The following KIFAP3 variants were observed in gnomAD, a reference collection of about 807,000 sequenced individuals.
The protein encoded by KIFAP3 is kinesin-associated protein 3.
KIFAP3 carries 68 observed loss-of-function variants against 106.5 expected under a neutral mutation model. The ratio of observed to expected loss-of-function variants is 0.64; its 90% confidence interval spans 0.53 to 0.78. The LOEUF is 0.78. Among genes scored for constraint, KIFAP3 ranks in the 30% least tolerant of loss-of-function variants. The pLI is 0.00. For missense variants in KIFAP3, 780 were observed against 941.8 expected (o/e 0.83, Z 2.25); for synonymous variants, 320 against 311.5 (o/e 1.03, Z -0.29).
At chr1:170,070,534 A>T (rs1450761367) in intron 1 of KIFAP3, among the ~76,000 whole-genome samples, 2 of 152,124 alleles carry the variant, frequency 1.3e-5, no homozygotes, top group Non-Finnish European at 2.9e-5. Context: ...TGCCCAAACC[A>T]TTCATGGAGG....
chr1:170,001,843 T>A (rs1279297088), intron 10 of KIFAP3, among the ~76,000 whole-genome samples: 2 of 152,160 alleles, frequency 1.3e-5, no homozygotes, highest in African/African-American at 2.4e-5. Flanking sequence ...TTTTAATAAG[T>A]CAGAAAAGGC....
At chr1:170,022,723 ACTTCT>A (rs1326489348) in intron 9 of KIFAP3, among the ~76,000 whole-genome samples, 1 of 151,554 alleles carries the variant, frequency 6.6e-6, no homozygotes, top group Non-Finnish European at 1.5e-5. Context: ...CTAATCAAAT[ACTTCT>A]CTTAATCTTA....
At position 169,961,091 on chromosome 1, in the gene KIFAP3, G is replaced by A. The variant is rs755614316; in HGVS notation, c.2128C>T (p.His710Tyr). 2 of 1,613,132 alleles carry A rather than the reference G, an allele frequency of 1.2e-6. No individual in the cohort carries two copies. The highest frequency in any genetic ancestry group is 1.3e-5 in the African/African-American group (1 of 74,860). ...GGTCTTTCGAGAATATCTCCTTCATGAATGTATGGCTCAATTCGATCATCA... is the reference window on the plus strand; with the variant it reads ...GGTCTTTCGAGAATATCTCCTTCATAAATGTATGGCTCAATTCGATCATCA... ...YGDDRIEPYIHEGDILERPDL... is the reference protein window; with the variant it reads ...YGDDRIEPYIYEGDILERPDL... The change falls in exon 18 of 20, where the codon CAT becomes TAT. Residue 710 changes from histidine (H) to tyrosine (Y), a missense_variant. Physicochemically the swap from His to Tyr is moderately conservative, Grantham distance 83 (BLOSUM62 2). Coordinates refer to ENST00000361580, the MANE Select transcript of KIFAP3 (RefSeq NM_014970.4).
intron 1 of KIFAP3, among the ~76,000 whole-genome samples, chr1:170,056,694 G>A (rs757358035): frequency 1.5e-4 from 23 of 151,950 alleles, no homozygotes; most frequent in Admixed American, 3.9e-4. Context: ...AATTTTTTAC[G>A]GATCTGTCCA....
At chr1:169,995,975 C>T (rs1294714917) in intron 10 of KIFAP3, among the ~76,000 whole-genome samples, 1 of 151,856 alleles carries the variant, frequency 6.6e-6, no homozygotes, top group African/African-American at 2.4e-5. Flanking sequence ...TCTGTTAGAA[C>T]AGAAAGTACA....
At chr1:169,985,405 G>T (rs1666769595) in intron 11 of KIFAP3, among the ~76,000 whole-genome samples, 1 of 151,838 alleles carries the variant, frequency 6.6e-6, no homozygotes, top group African/African-American at 2.4e-5. Context: ...AACCAAAATG[G>T]AATGTAGTAA....
At chr1:170,019,264 A>C (rs1420664126) in intron 9 of KIFAP3, among the ~76,000 whole-genome samples, 1 of 152,144 alleles carries the variant, frequency 6.6e-6, no homozygotes, top group Admixed American at 6.5e-5. Context: ...ATGTAGAAAT[A>C]ATACCAATTC....
In KIFAP3 at chr1:170,024,725, CTGGTTAATAAT is replaced by C. The variant is rs147240525; in HGVS notation, c.842-140_842-130del. ...TAATATATTATTTTGAAAATTTTAACTGGTTAATAATTGGTTAATTAAAAAACATTTATTGT... is the reference window on the plus strand; with the variant it reads ...TAATATATTATTTTGAAAATTTTAACTGGTTAATTAAAAAACATTTATTGT... On this transcript the variant is annotated intron_variant, in intron 8 of 19. Transcript: ENST00000361580. 3,158 of 497,228 alleles carry C rather than the reference CTGGTTAATAAT, an allele frequency of 6.4e-3. 19 individuals carry two copies. The highest frequency in any genetic ancestry group is 8.6e-3 in the Non-Finnish European group (2,533 of 294,208). 30.8% of individuals were successfully genotyped at this position (497,228 alleles called of 1,614,324 possible).
At chr1:170,073,010 C>T (rs1671775102) in intron 1 of KIFAP3, among the ~76,000 whole-genome samples, 1 of 152,176 alleles carries the variant, frequency 6.6e-6, no homozygotes, top group Non-Finnish European at 1.5e-5. Context: ...TTATAAGTCA[C>T]AGTATGCCTC....
intron 3 of KIFAP3, among the ~76,000 whole-genome samples, chr1:170,045,470 C>T (rs1375322147): frequency 1.3e-5 from 2 of 152,080 alleles, no homozygotes; most frequent in Non-Finnish European, 2.9e-5. Flanking sequence ...CCTATATGGC[C>T]AACGAATATT....
intron 19 of KIFAP3, among the ~76,000 whole-genome samples, chr1:169,948,705 CAAA>C (rs1664575078): frequency 6.6e-6 from 1 of 151,860 alleles, no homozygotes; most frequent in African/African-American, 2.4e-5. Flanking sequence ...AAGGACTTAT[CAAA>C]GAAGGAATTT....
intron 2 of KIFAP3, among the ~76,000 whole-genome samples, chr1:170,052,301 C>A (rs1169004335): frequency 1.3e-5 from 2 of 151,964 alleles, no homozygotes; most frequent in African/African-American, 4.8e-5. Flanking sequence ...AGTAAAATGG[C>A]TGAATAGACC....
At chr1:170,000,246 AC>A (rs1185445550) in intron 10 of KIFAP3, among the ~76,000 whole-genome samples, 4 of 152,166 alleles carry the variant, frequency 2.6e-5, no homozygotes, top group Non-Finnish European at 4.4e-5. Flanking sequence ...GTTATGGGCC[AC>A]ATTATTAGCC....
At chr1:170,056,350 T>C (rs1463694840) in intron 1 of KIFAP3, among the ~76,000 whole-genome samples, 1 of 152,202 alleles carries the variant, frequency 6.6e-6, no homozygotes, top group Non-Finnish European at 1.5e-5. Flanking sequence ...GTAGGTTCTA[T>C]GGAAAGGTTG....
chr1:169,936,741 C>T (rs1663825569), intron 19 of KIFAP3, among the ~76,000 whole-genome samples: 1 of 151,372 alleles, frequency 6.6e-6, no homozygotes, highest in South Asian at 2.1e-4. Flanking sequence ...ATAGCATGCT[C>T]TTTACAAAAA....
At position 170,074,446 on chromosome 1, in the gene KIFAP3, A is replaced by G; in HGVS notation, c.22T>C (p.Tyr8His). Residue 8 changes from tyrosine to histidine, a missense_variant, in exon 1 of 20, where the codon TAC (tyrosine) becomes CAC (histidine). Physicochemically the swap from Tyr to His is moderately conservative, Grantham distance 83. This residue lies in a region of KIFAP3 where 588 missense variants were observed against 678.9 expected (regional missense o/e 0.87). Coordinates refer to ENST00000361580, the MANE Select transcript of KIFAP3 (RefSeq NM_014970.4). ...TTGGGGAGTCGTCACCTTTTGAGGT[A>G]TCTGGCGTCCTCCCCTTGCATGGCG... MQGEDAR[Y>H]LKRKVKGGNI... The G allele has an allele frequency of 6.2e-7, 1 of 1,614,086 alleles. No individual in the cohort carries two copies. Among genetic ancestry groups the G allele is most frequent in the Non-Finnish European group, 8.5e-7 (1 of 1,179,986 alleles).
intron 19 of KIFAP3, among the ~76,000 whole-genome samples, chr1:169,940,115 T>C (rs1348909223): frequency 1.3e-5 from 2 of 152,154 alleles, no homozygotes; most frequent in Admixed American, 1.3e-4. Flanking sequence ...AATGGGTTTA[T>C]TGGATTTTGA....
intron 19 of KIFAP3, among the ~76,000 whole-genome samples, chr1:169,931,268 T>C (rs1240182420): frequency 6.6e-6 from 1 of 152,178 alleles, no homozygotes; most frequent in African/African-American, 2.4e-5. Flanking sequence ...ATATAAATTT[T>C]AGATTCCTCT....
intron 19 of KIFAP3, among the ~76,000 whole-genome samples, chr1:169,946,927 A>G (rs958307969): frequency 2.0e-5 from 3 of 151,830 alleles, no homozygotes; most frequent in Non-Finnish European, 4.4e-5. Context: ...AAAATTTTTT[A>G]TTTGCTTTGA....
Sources: gnomAD v4.1 joint callset for allele counts (sites outside exome capture counted in the v4.1 genomes callset) on GRCh38, gnomAD v4.1.1 for gene constraint, gnomAD v4.1.1 regional missense constraint, MANE v1.5 for transcripts, NCBI Gene and HGNC (gene_info 2026-07-23, HGNC 2026-07-21) for gene names.